SLC44A1: variants seen among roughly 807,000 people sequenced by gnomAD.
SLC44A1 encodes choline transporter-like protein 1.
Under a neutral mutation model 79.3 loss-of-function variants are expected in SLC44A1, and 26 were observed. That is an observed-to-expected ratio of 0.33 (90% CI 0.24 to 0.46). SLC44A1 has a LOEUF of 0.46. Ranked by LOEUF, SLC44A1 falls within the 20% of genes least tolerant of loss-of-function variation. SLC44A1 has a pLI of 1.00. For missense variants in SLC44A1, 688 were observed against 798.1 expected (o/e 0.86, Z 1.66); for synonymous variants, 263 against 286.2 (o/e 0.92, Z 0.82).
Position 105,395,180 on chromosome 9 carries a change from C to T in SLC44A1, c.*6124C>T, listed in dbSNP as rs866936091. On this transcript the variant is annotated 3_prime_UTR_variant, in exon 16 of 16. Transcript: ENST00000374720. ...AAGGAGAAAAGTCAGCCCCCTACCCCACCCCACACTCCTAGAAAAGTTTGG... is the reference window on the plus strand; with the variant it reads ...AAGGAGAAAAGTCAGCCCCCTACCCTACCCCACACTCCTAGAAAAGTTTGG... 2.4e-4 allele frequency: 239 copies of T among 985,302 alleles called. No individual in the cohort carries two copies. In the Middle Eastern group the frequency reaches 2.6e-3, roughly 11 times the overall value. 61.0% of individuals were successfully genotyped at this position (985,302 alleles called of 1,614,324 possible).
chr9:105,249,754 C>T (rs1192706047), intron 1 of SLC44A1, among the ~76,000 whole-genome samples: 1 of 150,890 alleles, frequency 6.6e-6, no homozygotes, highest in East Asian at 2.0e-4. Context: ...AGGGTGGTCT[C>T]GAACTCCTGA....
At chr9:105,334,544 C>T (rs1384707335) in intron 3 of SLC44A1, among the ~76,000 whole-genome samples, 1 of 152,142 alleles carries the variant, frequency 6.6e-6, no homozygotes, top group Admixed American at 6.5e-5. Context: ...TTGACAGATG[C>T]ATGATTTTAT....
At chr9:105,321,780 T>G (rs1826400126) in intron 3 of SLC44A1, among the ~76,000 whole-genome samples, 2 of 151,594 alleles carry the variant, frequency 1.3e-5, no homozygotes, top group Non-Finnish European at 2.9e-5. Flanking sequence ...AGGATATATG[T>G]GGGACCAAAT....
intron 15 of SLC44A1, among the ~76,000 whole-genome samples, chr9:105,433,207 A>C (rs2131527253): frequency 6.6e-6 from 1 of 152,188 alleles, no homozygotes; most frequent in East Asian, 1.9e-4. Context: ...GAGGAAGGAG[A>C]ATTGCTTGAA....
Position 105,392,330 on chromosome 9 carries a change from G to A in SLC44A1, c.*3274G>A. The A allele has an allele frequency of 1.0e-6, 1 of 983,640 alleles. No homozygotes were observed. The highest frequency in any genetic ancestry group is 1.2e-6 in the Non-Finnish European group (1 of 829,450). 60.9% of individuals were successfully genotyped at this position (983,640 alleles called of 1,614,324 possible). On this transcript the variant is annotated 3_prime_UTR_variant, in exon 16 of 16. Transcript: ENST00000374720. ...TTTTTCTATAATGGTTAAGGAGGAG[G>A]CACTTACTGAGTTTATTTTAAAGTT...
At chr9:105,425,558 C>T (rs866228544) in intron 15 of SLC44A1, among the ~76,000 whole-genome samples, 14 of 152,202 alleles carry the variant, frequency 9.2e-5, no homozygotes, top group African/African-American at 3.1e-4. Flanking sequence ...TGTAGTGGCT[C>T]ACGCCTGTAA....
chr9:105,267,650 CTG>C, intron 1 of SLC44A1, among the ~76,000 whole-genome samples: 1 of 152,174 alleles, frequency 6.6e-6, no homozygotes, highest in African/African-American at 2.4e-5. Context: ...TGTTATCTCT[CTG>C]TGTGTGTTTT....
chr9:105,341,752 A>G (rs1438102049), intron 4 of SLC44A1, among the ~76,000 whole-genome samples: 4 of 152,232 alleles, frequency 2.6e-5, no homozygotes, highest in African/African-American at 9.6e-5. Flanking sequence ...AGAACACTTT[A>G]TCCTCAATTC....
At position 105,396,849 on chromosome 9, in the gene SLC44A1, T is replaced by A; in HGVS notation, c.*7793T>A. 1.0e-6 allele frequency: 1 copy of A among 985,072 alleles called. No homozygotes were observed. 61.0% of individuals were successfully genotyped at this position (985,072 alleles called of 1,614,324 possible). On this transcript the variant is annotated 3_prime_UTR_variant, in exon 16 of 16. Coordinates refer to ENST00000374720, the MANE Select transcript of SLC44A1 (RefSeq NM_080546.5). ...CCTTCCATGAATTCATAGTTTGGAA[T>A]CATTTACCTTACCATTATTTTGGAT... is the stretch of plus-strand genomic sequence containing the variant.
intron 15 of SLC44A1, chr9:105,386,075 C>A (rs980080661): frequency 1.0e-6 from 1 of 985,114 alleles, no homozygotes; most frequent in African/African-American, 1.7e-5. Context: ...TACCCACATT[C>A]CCACTCAGTA....
chr9:105,357,159 T>A (rs1827647034), intron 6 of SLC44A1: 1 of 152,216 alleles, frequency 6.6e-6, no homozygotes, highest in South Asian at 2.1e-4. Context: ...AGGTAGTACT[T>A]GACTCAATTG....
chr9:105,278,060 A>C (rs994031485), intron 1 of SLC44A1, among the ~76,000 whole-genome samples: 3 of 149,394 alleles, frequency 2.0e-5, no homozygotes, highest in Non-Finnish European at 4.4e-5. Context: ...ATGTATTTGC[A>C]GCCTTCTTTT....
At position 105,254,609 on chromosome 9, in the gene SLC44A1, C is replaced by T. The variant is rs552287668; in HGVS notation, c.36+9705C>T. On this transcript the variant is annotated intron_variant, in intron 1 of 15. Transcript: ENST00000374720. Reference sequence around the variant, plus strand: ...TTTCCTAACATTTTACTTATAGCCCCATTATGAACTTCACAGTTCGTAGTT... The same window carrying T: ...TTTCCTAACATTTTACTTATAGCCCTATTATGAACTTCACAGTTCGTAGTT... Among the ~76,000 whole-genome samples, 9 of 152,270 alleles carry T rather than the reference C, an allele frequency of 5.9e-5. No homozygotes were observed. In the South Asian group the frequency reaches 1.9e-3, roughly 32 times the overall value.
intron 1 of SLC44A1, among the ~76,000 whole-genome samples, chr9:105,296,109 TA>T (rs1830714865): frequency 6.6e-6 from 1 of 152,194 alleles, no homozygotes; most frequent in African/African-American, 2.4e-5. Flanking sequence ...AACTGAAAAG[TA>T]TTGATGAATA....
chr9:105,316,840 A>G (rs1351254269), intron 3 of SLC44A1, among the ~76,000 whole-genome samples: 1 of 152,258 alleles, frequency 6.6e-6, no homozygotes, highest in African/African-American at 2.4e-5. Context: ...GTAACAAATT[A>G]CCATAAAGTA....
rs1185894761 is a variant in SLC44A1 at position 105,264,877 on chromosome 9, A to G, written c.36+19973A>G. Among the ~76,000 whole-genome samples the G allele has an allele frequency of 4.0e-5, 6 of 150,710 alleles. No homozygotes were observed. The East Asian group carries it at 1.2e-3, about 30-fold the overall frequency. ...AAAGGTGCGATCTCGGCTCACCACA[A>G]CCTCTACCTCCTGGGTTCAAGTGAT... On this transcript the variant is annotated intron_variant, in intron 1 of 15. Transcript: ENST00000374720.
downstream of SLC44A1, among the ~76,000 whole-genome samples, chr9:105,399,542 G>A (rs1000629969): frequency 6.6e-6 from 1 of 152,034 alleles, no homozygotes; most frequent in African/African-American, 2.4e-5. Context: ...TTGAGAAAAG[G>A]AGATTAGCTA....
chr9:105,392,765 A>T lies in SLC44A1; in HGVS notation c.*3709A>T. ...CTAGCCTGCAAGGTAGAATTCTGGG[A>T]TCAGTTCCAAAACCAGAACTGCCAG... is the stretch of plus-strand genomic sequence containing the variant. On this transcript the variant is annotated 3_prime_UTR_variant, in exon 16 of 16. Coordinates refer to ENST00000374720, the MANE Select transcript of SLC44A1 (RefSeq NM_080546.5). The T allele has an allele frequency of 1.0e-6, 1 of 985,362 alleles. No individual in the cohort carries two copies. Among genetic ancestry groups the T allele is most frequent in the Non-Finnish European group, 1.2e-6 (1 of 829,858 alleles). 61.0% of individuals were successfully genotyped at this position (985,362 alleles called of 1,614,324 possible).
chr9:105,339,454 A>G (rs2131366242), intron 4 of SLC44A1, among the ~76,000 whole-genome samples: 1 of 152,350 alleles, frequency 6.6e-6, no homozygotes, highest in African/African-American at 2.4e-5. Context: ...TATTTGCACA[A>G]TCATGTTCAT....
Sources: allele counts gnomAD v4.1 joint callset (sites outside exome capture counted in the v4.1 genomes callset), GRCh38; gene constraint gnomAD v4.1.1; transcripts MANE v1.5; gene names NCBI Gene and HGNC (gene_info 2026-07-23, HGNC 2026-07-21).